PCM1: variants seen among roughly 807,000 people sequenced by gnomAD.
The protein encoded by PCM1 is pericentriolar material 1.
A neutral mutation model predicts 241.9 loss-of-function variants in PCM1; 157 were observed. The ratio of observed to expected loss-of-function variants is 0.65; its 90% CI spans 0.57 to 0.74. PCM1 has a LOEUF of 0.74. Among genes scored for constraint, PCM1 ranks in the 30% least tolerant of loss-of-function variants. The pLI is 0.00. For synonymous variants in PCM1, 1,085 were observed against 784.9 expected, an observed-to-expected ratio of 1.38 and a Z score of -6.39; for missense variants, 3,478 against 2,360.1, an observed-to-expected ratio of 1.47 and a Z score of -9.81.
chr8:17,931,133 A>G (rs990472340), intron 2 of PCM1, among the ~76,000 whole-genome samples: 12 of 152,162 alleles, frequency 7.9e-5, no homozygotes, highest in Admixed American at 6.5e-4. Context: ...TTTTTCCCAA[A>G]CTAATTAGAG....
rs779602400 is a variant in PCM1, at chr8:17,938,905, C to G, written c.508C>G (p.Gln170Glu). 6.2e-7 allele frequency: 1 copy of G among 1,613,688 alleles called. No individual in the cohort carries two copies. The highest frequency in any genetic ancestry group is 1.1e-5 in the South Asian group (1 of 91,086). Residue 170 changes from glutamine (Q) to glutamate (E), a missense_variant, in exon 5 of 39, where the codon CAG (glutamine) becomes GAG (glutamate). Physicochemically the swap from Gln to Glu is conservative, Grantham distance 29. Transcript: ENST00000325083. Reference protein sequence around the residue: ...PPNRETIGSAQCKELFASALS... With the variant: ...PPNRETIGSAECKELFASALS... Reference sequence around the variant, plus strand: ...AAACAGAGAAACGATTGGATCAGCACAGTGTAAAGAGTTGTTTGCTTCTGC... The same window carrying G: ...AAACAGAGAAACGATTGGATCAGCAGAGTGTAAAGAGTTGTTTGCTTCTGC...
At chr8:18,025,335 T>C (rs369010952) in intron 36 of PCM1, 26 bp from the exon 37 acceptor site, 3 of 1,144,052 alleles carry the variant, frequency 2.6e-6, no homozygotes, top group African/African-American at 1.6e-5. Context: ...CTAGAGTATG[T>C]ATTTTTTTTT....
intron 10 of PCM1, 96 bp from the exon 11 acceptor site, chr8:17,956,508 A>G: frequency 2.7e-6 from 2 of 740,754 alleles, no homozygotes; most frequent in Non-Finnish European, 4.5e-6. Flanking sequence ...TTAGGTCTAA[A>G]TTTTGTTTCT....
At chr8:17,928,070 A>G (rs1041015866) in intron 2 of PCM1, 1 of 152,018 alleles carries the variant, frequency 6.6e-6, no homozygotes, top group Non-Finnish European at 1.5e-5. Context: ...TTTTATTTTT[A>G]TCCCCGTTCA....
chr8:17,928,336 A>G (rs1018349758), intron 2 of PCM1, among the ~76,000 whole-genome samples: 1 of 152,028 alleles, frequency 6.6e-6, no homozygotes, highest in Non-Finnish European at 1.5e-5. Context: ...CTACTTTTCT[A>G]CGCTCTCTCA....
intron 31 of PCM1, among the ~76,000 whole-genome samples, chr8:18,010,366 C>T (rs919249834): frequency 4.6e-5 from 7 of 152,094 alleles, no homozygotes; most frequent in South Asian, 2.1e-4. Flanking sequence ...CTAAAGTAGA[C>T]GAAGTCAGGC....
Position 17,937,205 on chromosome 8 carries a change from T to A in PCM1, c.168T>A (p.Ser56Arg). 6.2e-7 allele frequency: 1 copy of A among 1,602,818 alleles called. No individual in the cohort carries two copies. The highest frequency in any genetic ancestry group is 8.5e-7 in the Non-Finnish European group (1 of 1,173,130). The stretch of plus-strand genomic sequence containing the variant: ...ATAAGAAAAAGTTTGGTGTAGAAAG[T>A]GATAAAAGAGTAACCAATGATATTT... ...EKNKKKFGVE[S>R]DKRVTNDISP... Residue 56 changes from serine to arginine, a missense_variant, in exon 4 of 39, where the codon AGT (serine) becomes AGA (arginine). Transcript: ENST00000325083.
intron 6 of PCM1, among the ~76,000 whole-genome samples, chr8:17,946,831 C>CCG (rs1563787560): frequency 9.3e-6 from 1 of 107,396 alleles, no homozygotes; most frequent in South Asian, 3.0e-4. Context: ...CTAGATTCTT[C>CCG]AGTGTGTGTG....
In PCM1 at chr8:17,967,096, C is replaced by T; in HGVS notation, c.3338C>T (p.Pro1113Leu). 2 of 1,607,716 alleles carry T rather than the reference C, an allele frequency of 1.2e-6. No individual in the cohort carries two copies. Among genetic ancestry groups the T allele is most frequent in the Non-Finnish European group, 1.7e-6 (2 of 1,176,742 alleles). Reference sequence around the variant, plus strand: ...CCTCCTTCTCCCAGTTTATTTTGTCCTTTCAGCTTTCCAACACAGCCTGTA... The same window carrying T: ...CCTCCTTCTCCCAGTTTATTTTGTCTTTTCAGCTTTCCAACACAGCCTGTA... ...SHPPSPSLFC[P>L]FSFPTQPVNL... is the part of the protein sequence containing the mutation. Residue 1113 changes from proline to leucine, a missense_variant, in exon 21 of 39, where the codon CCT (proline) becomes CTT (leucine). By Grantham distance (98) the Pro-to-Leu change is moderately conservative. Transcript: ENST00000325083.
chr8:18,017,405 A>G (rs1006596042), intron 36 of PCM1, among the ~76,000 whole-genome samples: 4 of 152,264 alleles, frequency 2.6e-5, no homozygotes, highest in African/African-American at 7.2e-5. Flanking sequence ...ATATGGCTAT[A>G]TTAGTCACCA....
intron 7 of PCM1, among the ~76,000 whole-genome samples, chr8:17,950,049 C>T (rs928781499): frequency 6.6e-6 from 1 of 152,130 alleles, no homozygotes; most frequent in Non-Finnish European, 1.5e-5. Flanking sequence ...GGCTCATTGC[C>T]TGAAATAAAG....
intron 2 of PCM1, chr8:17,926,802 C>G (rs530041214): frequency 6.6e-6 from 1 of 152,166 alleles, no homozygotes; most frequent in Non-Finnish European, 1.5e-5. Context: ...AGAGCAGTTT[C>G]AGCAGGAATC....
At position 18,006,148 on chromosome 8, in the gene PCM1, TGAG is replaced by T. The variant is rs1052007001; in HGVS notation, c.4828-111_4828-109del. 2.5e-5 allele frequency: 19 copies of T among 773,902 alleles called. No individual in the cohort carries two copies. In the African/African-American group the frequency reaches 2.8e-4, roughly 11 times the overall value. 47.9% of individuals were successfully genotyped at this position (773,902 alleles called of 1,614,324 possible). A position where few individuals can be genotyped will look rare whatever the true frequency, so the allele number is the denominator to read the frequency against. On this transcript the variant is annotated intron_variant, in intron 29 of 38. Transcript: ENST00000325083. ...TATTTCTAAACAGACATCTGAAAAT[TGAG>T]GAGCATCTACGGCAAGAAAATTAAA...
In PCM1 at chr8:18,029,360, C is replaced by T. The variant is rs1347788303; in HGVS notation, c.*1698C>T. The T allele has an allele frequency of 4.7e-6, 1 of 212,590 alleles. No individual in the cohort carries two copies. The highest frequency in any genetic ancestry group is 2.3e-5 in the African/African-American group (1 of 44,106). The allele number at this position is 212,590 out of a possible 1,614,324, so 13.2% of individuals were successfully genotyped here. A position where few individuals can be genotyped will look rare whatever the true frequency, so the allele number is the denominator to read the frequency against. ...AATTCGGAGTTCTTATCCAGGTGCT[C>T]TAACTAACTTCAGGGAAATTGGAAC... On this transcript the variant is annotated 3_prime_UTR_variant, in exon 39 of 39. Transcript: ENST00000325083.
At chr8:17,981,010 C>CAAG (rs1173621161) in intron 24 of PCM1, among the ~76,000 whole-genome samples, 5 of 152,302 alleles carry the variant, frequency 3.3e-5, no homozygotes, top group African/African-American at 4.8e-5. Context: ...TGGAACTCTT[C>CAAG]AAATTCTGAA....
chr8:17,987,837 T>C (rs1331389040), intron 26 of PCM1, among the ~76,000 whole-genome samples: 2 of 151,894 alleles, frequency 1.3e-5, no homozygotes, highest in Non-Finnish European at 2.9e-5. Flanking sequence ...TAGCAAGTAC[T>C]TGAAGTATAG....
At chr8:17,935,160 G>C (rs939420660) in intron 2 of PCM1, among the ~76,000 whole-genome samples, 14 of 152,026 alleles carry the variant, frequency 9.2e-5, no homozygotes, top group African/African-American at 3.1e-4. Flanking sequence ...TTGACTCTTT[G>C]GCATACAACT....
Position 17,936,472 on chromosome 8 carries a change from TAAA to T in PCM1, c.97-659_97-657del, listed in dbSNP as rs140874014. On this transcript the variant is annotated intron_variant, in intron 3 of 38. Coordinates refer to ENST00000325083, the MANE Select transcript of PCM1 (RefSeq NM_006197.4). Reference sequence around the variant, plus strand: ...GGTTATGTGAGTTTAACTAAGTAAATAAAAATGTTTTCTATTTGAAACTATAAG... The same window carrying T: ...GGTTATGTGAGTTTAACTAAGTAAATAATGTTTTCTATTTGAAACTATAAG... Among the ~76,000 whole-genome samples the T allele has an allele frequency of 1.8e-3, 281 of 152,340 alleles. 3 individuals are homozygous for T. Among genetic ancestry groups the T allele is most frequent in the African/African-American group, 6.4e-3 (268 of 41,578 alleles).
chr8:18,025,133 CTTTTTT>C, intron 36 of PCM1: 8 of 156,812 alleles, frequency 5.1e-5, no homozygotes, highest in East Asian at 4.2e-4. Context: ...GCCCCCCTGC[CTTTTTT>C]TTTTTTTTTT....
Sources: gnomAD v4.1 joint callset for allele counts (sites outside exome capture counted in the v4.1 genomes callset) on GRCh38, gnomAD v4.1.1 for gene constraint, MANE v1.5 for transcripts, NCBI Gene and HGNC (gene_info 2026-07-23, HGNC 2026-07-21) for gene names.